Variants in KSR2 observed in about 807,000 individuals in gnomAD.
KSR2 encodes the protein kinase suppressor of ras 2.
In KSR2, 25 loss-of-function variants were observed where a neutral mutation model predicts 107.8. That is an observed-to-expected ratio of 0.23 (90% confidence interval 0.17 to 0.32). The LOEUF (loss-of-function observed/expected upper bound fraction) is 0.32, where lower values mean the gene tolerates loss of function less well. Among genes scored for constraint, KSR2 ranks in the 10% least tolerant of loss-of-function variants. The probability of loss-of-function intolerance (pLI) is 1.00; values close to 1 mark genes in which losing one functional copy is unlikely to be tolerated. For synonymous variants in KSR2, 480 were observed against 507.0 expected (o/e 0.95, Z 0.71); for missense variants, 887 against 1,268.9 (o/e 0.70, Z 4.57).
chr12:117,643,907 A>C (rs1883498248), intron 5 of KSR2, among the ~76,000 whole-genome samples: 2 of 152,210 alleles, frequency 1.3e-5, no homozygotes, highest in Non-Finnish European at 2.9e-5. Flanking sequence ...GACTTTGCAG[A>C]TCTCCCATAA....
intron 9 of KSR2, among the ~76,000 whole-genome samples, chr12:117,547,196 G>C (rs1269411427): frequency 1.3e-5 from 2 of 152,174 alleles, no homozygotes; most frequent in Admixed American, 6.5e-5. Context: ...GCCAGGGATG[G>C]GTAGAAATTT....
intron 16 of KSR2, among the ~76,000 whole-genome samples, chr12:117,479,110 C>G (rs1468603697): frequency 6.6e-6 from 1 of 152,212 alleles, no homozygotes. Flanking sequence ...GGATGTATCC[C>G]ATACATGCGA....
chr12:117,962,761 G>A (rs1190925011), intron 1 of KSR2, among the ~76,000 whole-genome samples: 4 of 150,856 alleles, frequency 2.7e-5, no homozygotes, highest in Non-Finnish European at 5.9e-5. Flanking sequence ...ACCTGTTTTT[G>A]TAAGGCCCAG....
At chr12:117,686,215 ATTTTTTT>A (rs55772468) in intron 4 of KSR2, among the ~76,000 whole-genome samples, 1,828 of 78,042 alleles carry the variant, frequency 0.023, 39 homozygotes, top group Middle Eastern at 0.059. Flanking sequence ...CACCCAGCTA[ATTTTTTT>A]TTTTTTTTTT....
chr12:117,629,607 T>C (rs1882712081), intron 5 of KSR2, among the ~76,000 whole-genome samples: 1 of 152,178 alleles, frequency 6.6e-6, no homozygotes. Flanking sequence ...ACTAGTTCCA[T>C]AATCTGCAAA....
intron 5 of KSR2, among the ~76,000 whole-genome samples, chr12:117,656,980 GGATA>G (rs1452059856): frequency 2.0e-5 from 1 of 50,558 alleles, no homozygotes. Flanking sequence ...ATATATAATA[GGATA>G]TATATATATA....
At chr12:117,917,573 C>T (rs1895217160) in intron 1 of KSR2, among the ~76,000 whole-genome samples, 1 of 152,096 alleles carries the variant, frequency 6.6e-6, no homozygotes, top group South Asian at 2.1e-4. Context: ...AAAGTATTTT[C>T]TCTTTATAAA....
At chr12:117,893,785 T>C (rs1023389416) in intron 1 of KSR2, among the ~76,000 whole-genome samples, 2 of 152,130 alleles carry the variant, frequency 1.3e-5, no homozygotes, top group African/African-American at 4.8e-5. Flanking sequence ...GAGTGAGGCA[T>C]TCACTTTGGG....
At chr12:117,709,238 C>A (rs958343821) in intron 4 of KSR2, among the ~76,000 whole-genome samples, 2 of 152,138 alleles carry the variant, frequency 1.3e-5, no homozygotes, top group Middle Eastern at 3.2e-3. Context: ...GGTGTTAATC[C>A]CCAAAGCACC....
At chr12:117,923,016 C>T (rs535284003) in intron 1 of KSR2, among the ~76,000 whole-genome samples, 52 of 152,278 alleles carry the variant, frequency 3.4e-4, no homozygotes, top group Non-Finnish European at 6.6e-4. Context: ...TACCTTACTT[C>T]ATATTTTTGT....
chr12:117,833,180 A>G (rs376112954), intron 3 of KSR2, among the ~76,000 whole-genome samples: 4 of 152,134 alleles, frequency 2.6e-5, no homozygotes, highest in African/African-American at 9.7e-5. Flanking sequence ...CTCCCTTTTT[A>G]CAAGGGACGG....
intron 7 of KSR2, among the ~76,000 whole-genome samples, chr12:117,576,161 G>A (rs1296537885): frequency 6.6e-6 from 1 of 152,174 alleles, no homozygotes; most frequent in Admixed American, 6.5e-5. Context: ...AATTAAAACG[G>A]CTTGGGAAGT....
chr12:117,938,000 A>G (rs1343996509), intron 1 of KSR2, among the ~76,000 whole-genome samples: 2 of 150,950 alleles, frequency 1.3e-5, no homozygotes, highest in Non-Finnish European at 3.0e-5. Flanking sequence ...AAAGCCTGAA[A>G]CATATTAGAC....
chr12:117,749,369 T>A (rs1015060741), intron 4 of KSR2, among the ~76,000 whole-genome samples: 4 of 151,744 alleles, frequency 2.6e-5, no homozygotes. Flanking sequence ...CAAGGTGGGA[T>A]TCACCTTGGG....
At chr12:117,568,280 C>A (rs542246483) in intron 7 of KSR2, among the ~76,000 whole-genome samples, 1 of 152,250 alleles carries the variant, frequency 6.6e-6, no homozygotes, top group African/African-American at 2.4e-5. Context: ...CACAAAGATC[C>A]ATTTGTCATC....
At chr12:117,490,559 A>G (rs563563061) in intron 14 of KSR2, among the ~76,000 whole-genome samples, 1 of 152,326 alleles carries the variant, frequency 6.6e-6, no homozygotes, top group East Asian at 1.9e-4. Context: ...CATAAAATAA[A>G]TGGTGAATAT....
At chr12:117,629,957 T>G (rs187270010) in intron 5 of KSR2, among the ~76,000 whole-genome samples, 15 of 152,318 alleles carry the variant, frequency 9.8e-5, no homozygotes, top group Non-Finnish European at 1.6e-4. Context: ...CCAAGTGGCC[T>G]GCCAGCAGCT....
intron 4 of KSR2, among the ~76,000 whole-genome samples, chr12:117,698,052 T>A (rs552861505): frequency 9.2e-5 from 14 of 152,178 alleles, no homozygotes; most frequent in Admixed American, 6.5e-4. Context: ...CACCGAAGAC[T>A]GCCGGCACAT....
chr12:117,582,461 G>T (rs1879726851), intron 5 of KSR2, 102 bp from the exon 6 acceptor site: 5 of 827,742 alleles, frequency 6.0e-6, no homozygotes, highest in Admixed American at 5.8e-5. Context: ...CCTCAGGAAG[G>T]ATACCAGTTG....
Sources: allele counts gnomAD v4.1 joint callset (sites outside exome capture counted in the v4.1 genomes callset), GRCh38; gene constraint gnomAD v4.1.1; transcripts MANE v1.5; gene names NCBI Gene and HGNC (gene_info 2026-07-23, HGNC 2026-07-21).